Variants in CADM3 observed in about 807,000 individuals in gnomAD.
CADM3 encodes the protein cell adhesion molecule 3.
In CADM3, 11 loss-of-function variants were observed where a neutral mutation model predicts 44.9. That is an observed-to-expected ratio of 0.25 (90% CI 0.15 to 0.41). CADM3 has a LOEUF of 0.41. Ranked by LOEUF, CADM3 falls within the 10% of genes least tolerant of loss-of-function variation. CADM3 has a pLI of 1.00. For missense variants in CADM3, 426 were observed against 512.0 expected (o/e 0.83, Z 1.62); for synonymous variants, 207 against 205.2 (o/e 1.01, Z -0.08).
chr1:159,198,377 G>T (rs1188858749), intron 7 of CADM3, among the ~76,000 whole-genome samples: 2 of 152,072 alleles, frequency 1.3e-5, no homozygotes, highest in Non-Finnish European at 2.9e-5. Flanking sequence ...CATGTGGACT[G>T]TCTCGCATAC....
chr1:159,201,136 T>A lies in CADM3; in HGVS notation c.*214T>A. The A allele has an allele frequency of 3.3e-6, 1 of 307,232 alleles. No homozygotes were observed. Among genetic ancestry groups the A allele is most frequent in the Non-Finnish European group, 6.0e-6 (1 of 166,162 alleles). 19.0% of individuals were successfully genotyped at this position (307,232 alleles called of 1,614,324 possible). ...GGGCGGGGGGAGGGGAGGGTTGCCC[T>A]CAGCCCTTTCCGTGGCTTCTCTGCA... On this transcript the variant is annotated 3_prime_UTR_variant, in exon 9 of 9. Coordinates refer to ENST00000368125, the MANE Select transcript of CADM3 (RefSeq NM_001127173.3).
At chr1:159,197,201 T>C (rs546004573) in intron 7 of CADM3, 141 bp downstream of exon 7, 136 of 809,284 alleles carry the variant, frequency 1.7e-4, no homozygotes, top group Non-Finnish European at 2.4e-4. Flanking sequence ...CTGGGGTCCC[T>C]GAGGGCTTAG....
At position 159,201,796 on chromosome 1, in the gene CADM3, C is replaced by T. The variant is rs1650224192; in HGVS notation, c.*874C>T. 1 of 152,738 alleles carries T rather than the reference C, an allele frequency of 6.5e-6. No individual in the cohort carries two copies. Among genetic ancestry groups the T allele is most frequent in the African/African-American group, 2.4e-5 (1 of 41,440 alleles). 9.5% of individuals were successfully genotyped at this position (152,738 alleles called of 1,614,324 possible). On this transcript the variant is annotated 3_prime_UTR_variant, in exon 9 of 9. Coordinates refer to ENST00000368125, the MANE Select transcript of CADM3 (RefSeq NM_001127173.3). ...GAGAGGCACTGCTCTGGGGCCTGAA[C>T]TGCCTCTGCTTCCCCCCCTGAGGGG... is the stretch of plus-strand genomic sequence containing the variant.
chr1:159,191,906 C>T, intron 1 of CADM3, 30 bp from the exon 2 acceptor site: 1 of 1,613,236 alleles, frequency 6.2e-7, no homozygotes, highest in Non-Finnish European at 8.5e-7. Context: ...TAGGGGTCCT[C>T]AGGAAACTAA....
chr1:159,196,835 T>G, intron 6 of CADM3, 56 bp from the exon 7 acceptor site: 5 of 1,519,796 alleles, frequency 3.3e-6, no homozygotes, highest in Non-Finnish European at 4.5e-6. Flanking sequence ...TTTTTTTTTC[T>G]TTTAGCTCCC....
In CADM3 at chr1:159,203,201, C is replaced by T. The variant is rs1650306372; in HGVS notation, c.*2279C>T. ...TGCTGGGATGTGTGTATGTGAGGGT[C>T]TTCTTCCCATACCCCTTGCACCTGG... is the stretch of plus-strand genomic sequence containing the variant. On this transcript the variant is annotated 3_prime_UTR_variant, in exon 9 of 9. Coordinates refer to ENST00000368125, the MANE Select transcript of CADM3 (RefSeq NM_001127173.3). 1 of 152,514 alleles carries T rather than the reference C, an allele frequency of 6.6e-6. No homozygotes were observed. Among genetic ancestry groups the T allele is most frequent in the African/African-American group, 2.4e-5 (1 of 41,422 alleles). The allele number at this position is 152,514 out of a possible 1,614,324, so 9.4% of individuals were successfully genotyped here.
chr1:159,188,008 G>A (rs35120789), intron 1 of CADM3, among the ~76,000 whole-genome samples: 23 of 151,198 alleles, frequency 1.5e-4, no homozygotes, highest in Non-Finnish European at 2.7e-4. Context: ...CTCTCTATTT[G>A]TGACTGTTTT....
intron 8 of CADM3, 147 bp downstream of exon 8, chr1:159,200,023 A>C (rs372140586): frequency 9.5e-7 from 1 of 1,055,996 alleles, no homozygotes; most frequent in Non-Finnish European, 1.4e-6. Flanking sequence ...AATGGAGCCA[A>C]CCCTATCATT....
intron 1 of CADM3, among the ~76,000 whole-genome samples, chr1:159,173,138 G>GA: frequency 6.7e-6 from 1 of 148,650 alleles, no homozygotes; most frequent in African/African-American, 2.5e-5. Flanking sequence ...AGATGCCAAC[G>GA]AAAAACAGAA....
chr1:159,196,573 GAC>G, intron 6 of CADM3, 119 bp downstream of exon 6: 1 of 836,396 alleles, frequency 1.2e-6, no homozygotes, highest in Non-Finnish European at 1.9e-6. Flanking sequence ...TCATTTCCCT[GAC>G]TGTCCAATAA....
chr1:159,175,351 T>C (rs1282007919), intron 1 of CADM3, among the ~76,000 whole-genome samples: 1 of 152,246 alleles, frequency 6.6e-6, no homozygotes, highest in Non-Finnish European at 1.5e-5. Flanking sequence ...GTGTGTTTCA[T>C]GTAGGTCCTA....
At chr1:159,190,477 G>A (rs1174768032) in intron 1 of CADM3, among the ~76,000 whole-genome samples, 1 of 152,170 alleles carries the variant, frequency 6.6e-6, no homozygotes, top group Non-Finnish European at 1.5e-5. Flanking sequence ...CATCTCCATT[G>A]CCTCATTGCC....
intron 6 of CADM3, 44 bp downstream of exon 6, chr1:159,196,498 C>A: frequency 6.7e-7 from 1 of 1,494,722 alleles, no homozygotes; most frequent in Non-Finnish European, 9.3e-7. Flanking sequence ...TCTCCACATT[C>A]TCAGATTGCC....
At chr1:159,198,827 C>G (rs2235780) in intron 7 of CADM3, among the ~76,000 whole-genome samples, 3,686 of 152,246 alleles carry the variant, frequency 0.024, 64 homozygotes, top group East Asian at 0.064. Flanking sequence ...TACAGGTTGT[C>G]AATCCTCTAC....
At chr1:159,172,436 G>T (rs1648851517) in intron 1 of CADM3, among the ~76,000 whole-genome samples, 2 of 152,082 alleles carry the variant, frequency 1.3e-5, no homozygotes, top group Non-Finnish European at 2.9e-5. Context: ...TGCTGAAGGG[G>T]GCGTGGGCAA....
At chr1:159,193,714 G>A (rs1649767931) in intron 4 of CADM3, 154 bp downstream of exon 4, 2 of 1,403,408 alleles carry the variant, frequency 1.4e-6, no homozygotes, top group African/African-American at 1.4e-5. Context: ...TGTGTGTTGG[G>A]GCCTACATTC....
At chr1:159,171,980 G>A (rs1359624996) in intron 1 of CADM3, 127 bp downstream of exon 1, 2 of 485,368 alleles carry the variant, frequency 4.1e-6, no homozygotes, top group Non-Finnish European at 6.6e-6. Context: ...ACCAGCCGCT[G>A]CTAATACCCT....
At chr1:159,183,935 A>C (rs1649328182) in intron 1 of CADM3, among the ~76,000 whole-genome samples, 1 of 152,192 alleles carries the variant, frequency 6.6e-6, no homozygotes, top group Admixed American at 6.5e-5. Context: ...AGAACAACCG[A>C]AGGAAGTTAA....
chr1:159,200,790 C>G lies in CADM3; in HGVS notation c.1079-14C>G, dbSNP rs1650152728. 6.4e-7 allele frequency: 1 copy of G among 1,568,972 alleles called. No homozygotes were observed. Among genetic ancestry groups the G allele is most frequent in the African/African-American group, 1.4e-5 (1 of 72,780 alleles). On this transcript the variant is annotated splice_polypyrimidine_tract_variant and intron_variant, in intron 8 of 8. Transcript: ENST00000368125. ...AAGCTGCTCCTGAGAGGAGAAGCCT[C>G]TGTCTCTACACAGGAACCTACCTGA...
Sources: allele counts gnomAD v4.1 joint callset (sites outside exome capture counted in the v4.1 genomes callset), GRCh38; gene constraint gnomAD v4.1.1; transcripts MANE v1.5; gene names NCBI Gene and HGNC (gene_info 2026-07-23, HGNC 2026-07-21).